Variants in KCNT2 observed in about 807,000 individuals in gnomAD.
KCNT2 encodes the protein potassium channel subfamily T member 2.
KCNT2 carries 67 observed loss-of-function variants against 153.8 expected under a neutral mutation model. That is an observed-to-expected ratio of 0.44 (90% CI 0.36 to 0.53). KCNT2 has a LOEUF of 0.53. Ranked by LOEUF, KCNT2 falls within the 20% of genes least tolerant of loss-of-function variation. KCNT2 has a pLI of 0.00. For synonymous variants in KCNT2, 500 were observed against 458.8 expected, an observed-to-expected ratio of 1.09 and a Z score of -1.15; for missense variants, 975 against 1,354.8, an observed-to-expected ratio of 0.72 and a Z score of 4.40.
intron 1 of KCNT2, among the ~76,000 whole-genome samples, chr1:196,529,428 C>A (rs1029751587): frequency 6.6e-6 from 1 of 152,016 alleles, no homozygotes; most frequent in East Asian, 1.9e-4. Flanking sequence ...CGGTTGAAGT[C>A]GTGGAAAAGG....
At position 196,299,643 on chromosome 1, in the gene KCNT2, T is replaced by G. The variant is rs1258648412; in HGVS notation, c.2595+5591A>C. On this transcript the variant is annotated intron_variant, in intron 22 of 27. Coordinates refer to ENST00000294725, the MANE Select transcript of KCNT2 (RefSeq NM_198503.5). ...GCAGAGAAACGGGAACGCTTATAAC[T>G]GTTGGTTATAAGAATGCAGAGTAGT... Among the ~76,000 whole-genome samples the G allele has an allele frequency of 5.9e-5, 9 of 152,264 alleles. No individual in the cohort carries two copies. In the East Asian group the frequency reaches 1.7e-3, roughly 29 times the overall value.
At chr1:196,388,510 A>T (rs558099986) in intron 13 of KCNT2, among the ~76,000 whole-genome samples, 3 of 151,806 alleles carry the variant, frequency 2.0e-5, no homozygotes, top group African/African-American at 7.2e-5. Context: ...TAAAATATTG[A>T]ATCTTTTAAC....
At chr1:196,322,399 C>T (rs955129906) in intron 19 of KCNT2, among the ~76,000 whole-genome samples, 9 of 151,080 alleles carry the variant, frequency 6.0e-5, no homozygotes, top group Admixed American at 2.0e-4. Flanking sequence ...ATACATGAAT[C>T]GAAACAAAAC....
chr1:196,576,719 A>T (rs950636427), intron 1 of KCNT2, among the ~76,000 whole-genome samples: 2 of 152,108 alleles, frequency 1.3e-5, no homozygotes, highest in African/African-American at 4.8e-5. Flanking sequence ...CTGTATTTAA[A>T]TATGTATGTT....
chr1:196,372,645 T>C (rs1403091259), intron 14 of KCNT2, among the ~76,000 whole-genome samples: 4 of 151,938 alleles, frequency 2.6e-5, no homozygotes, highest in Non-Finnish European at 5.9e-5. Flanking sequence ...TTATACTGCA[T>C]TAGCTAATTT....
rs554732749 is a variant in KCNT2, at chr1:196,457,175, G to A, written c.638+8118C>T. Among the ~76,000 whole-genome samples, 32 of 151,844 alleles carry A rather than the reference G, an allele frequency of 2.1e-4. No individual in the cohort carries two copies. In the South Asian group the frequency reaches 6.2e-3, roughly 30 times the overall value. On this transcript the variant is annotated intron_variant, in intron 8 of 27. Coordinates refer to ENST00000294725, the MANE Select transcript of KCNT2 (RefSeq NM_198503.5). ...GGAGTAGACAATTTAGAAAATAACAGTGGAGTCCATTTTCAGGCAAGCATA... is the reference window on the plus strand; with the variant it reads ...GGAGTAGACAATTTAGAAAATAACAATGGAGTCCATTTTCAGGCAAGCATA...
intron 12 of KCNT2, among the ~76,000 whole-genome samples, chr1:196,405,871 A>T (rs1036581241): frequency 6.6e-6 from 1 of 151,604 alleles, no homozygotes; most frequent in African/African-American, 2.4e-5. Context: ...TTTGCCCAAA[A>T]TTTATAAGCG....
chr1:196,446,146 C>A lies in KCNT2; in HGVS notation c.639-16389G>T, dbSNP rs528347342. On this transcript the variant is annotated intron_variant, in intron 8 of 27. Transcript: ENST00000294725. ...GAGATTAAGGTAGGCAATAATATTG[C>A]AATTAAGATGCTACCATTCAATAAA... 1.1e-3 allele frequency among the ~76,000 whole-genome samples: 168 copies of A among 151,252 alleles called. 1 individual carries two copies. The highest frequency in any genetic ancestry group is 2.0e-3 in the Non-Finnish European group (132 of 67,496).
At chr1:196,234,487 A>T (rs1571738523) in intron 27 of KCNT2, among the ~76,000 whole-genome samples, 1 of 151,286 alleles carries the variant, frequency 6.6e-6, no homozygotes, top group South Asian at 2.1e-4. Flanking sequence ...ACAATGCTTT[A>T]TCTTGATGCT....
intron 8 of KCNT2, among the ~76,000 whole-genome samples, chr1:196,456,592 C>T (rs1048267760): frequency 6.6e-6 from 1 of 151,796 alleles, no homozygotes; most frequent in African/African-American, 2.4e-5. Flanking sequence ...ATTTATGCCC[C>T]ATTGGGTCTT....
At chr1:196,347,352 G>C (rs562939113) in intron 14 of KCNT2, among the ~76,000 whole-genome samples, 1 of 152,030 alleles carries the variant, frequency 6.6e-6, no homozygotes, top group Non-Finnish European at 1.5e-5. Context: ...TTGAATGAGG[G>C]AGAAATAATT....
rs539201950 is a variant in KCNT2 at position 196,357,026 on chromosome 1, T to C, written c.1404-14798A>G. On this transcript the variant is annotated intron_variant, in intron 14 of 27. Coordinates refer to ENST00000294725, the MANE Select transcript of KCNT2 (RefSeq NM_198503.5). ...TCACTAACTATAGACAGAGTCTTGA[T>C]TTTCTATTTTGGAACCTGGGGATGA... Among the ~76,000 whole-genome samples, 19 of 152,050 alleles carry C rather than the reference T, an allele frequency of 1.2e-4. No homozygotes were observed. The South Asian group carries it at 3.9e-3, about 32-fold the overall frequency.
chr1:196,593,428 C>T (rs1183439296), intron 1 of KCNT2, among the ~76,000 whole-genome samples: 2 of 151,062 alleles, frequency 1.3e-5, no homozygotes, highest in South Asian at 2.1e-4. Flanking sequence ...CAAATTTTTT[C>T]AATTGTGAAT....
At chr1:196,283,428 C>G (rs1026158522) in intron 23 of KCNT2, among the ~76,000 whole-genome samples, 2 of 151,706 alleles carry the variant, frequency 1.3e-5, no homozygotes, top group African/African-American at 4.8e-5. Flanking sequence ...GAGCAAGACT[C>G]CATCTCAAAA....
intron 5 of KCNT2, among the ~76,000 whole-genome samples, chr1:196,474,770 G>C (rs1363061818): frequency 6.6e-6 from 1 of 152,170 alleles, no homozygotes; most frequent in Non-Finnish European, 1.5e-5. Flanking sequence ...GGGTATTTAT[G>C]ATGACAAAAG....
chr1:196,511,814 A>G (rs1369467348), intron 1 of KCNT2, among the ~76,000 whole-genome samples: 3 of 152,076 alleles, frequency 2.0e-5, no homozygotes, highest in Non-Finnish European at 4.4e-5. Flanking sequence ...CACCCTAACA[A>G]CCTCATATTA....
rs893724276 is a variant in KCNT2 at position 196,432,047 on chromosome 1, T to C, written c.639-2290A>G. Among the ~76,000 whole-genome samples, 49 of 151,986 alleles carry C rather than the reference T, an allele frequency of 3.2e-4. 2 individuals are homozygous for C. The highest frequency in any genetic ancestry group is 3.0e-3 in the Admixed American group (45 of 15,244). Reference sequence around the variant, plus strand: ...TTCAACGGAGGAAACCAGGGCACGTTTGGGGCCTCAAGAGTCAGCTTTCTT... The same window carrying C: ...TTCAACGGAGGAAACCAGGGCACGTCTGGGGCCTCAAGAGTCAGCTTTCTT... On this transcript the variant is annotated intron_variant, in intron 8 of 27. Transcript: ENST00000294725.
At chr1:196,241,450 C>A (rs1654952215) in intron 26 of KCNT2, among the ~76,000 whole-genome samples, 2 of 152,002 alleles carry the variant, frequency 1.3e-5, no homozygotes, top group Admixed American at 1.3e-4. Context: ...ACTATTTCAT[C>A]TATTGTTACT....
rs543522214 is a variant in KCNT2, at chr1:196,532,595, A to T, written c.96-40254T>A. ...TATATTATATTTATTAAATAAAATA[A>T]AATGAAAATAAAAGAGAATAGAAAA... On this transcript the variant is annotated intron_variant, in intron 1 of 27. Transcript: ENST00000294725. 1.4e-3 allele frequency among the ~76,000 whole-genome samples: 217 copies of T among 151,932 alleles called. 1 individual carries two copies. The highest frequency in any genetic ancestry group is 2.7e-3 in the Non-Finnish European group (184 of 67,868).
Sources: allele counts gnomAD v4.1 joint callset (sites outside exome capture counted in the v4.1 genomes callset), GRCh38; gene constraint gnomAD v4.1.1; transcripts MANE v1.5; gene names NCBI Gene and HGNC (gene_info 2026-07-23, HGNC 2026-07-21).